Variants in NOP9 observed in about 807,000 individuals in gnomAD.
NOP9 encodes NOP9 nucleolar protein, also known as nucleolar protein 9.
Under a neutral mutation model 63.0 loss-of-function variants are expected in NOP9, and 50 were observed. The ratio of observed to expected loss-of-function variants is 0.79; its 90% CI spans 0.63 to 1.00. The LOEUF is 1.00. Among genes scored for constraint, NOP9 ranks in the 50% least tolerant of loss-of-function variants. NOP9 has a pLI of 0.00. For missense variants in NOP9, 758 were observed against 803.0 expected (o/e 0.94, Z 0.68); for synonymous variants, 343 against 332.8 (o/e 1.03, Z -0.33).
In NOP9 at chr14:24,305,928, T is replaced by C. The variant is rs1301377926; in HGVS notation, c.*833T>C. ...TCCAACTGTAGGGGATGGGGCAGTATGACATGTTGATTTCTGACCTGAGTA... is the reference window on the plus strand; with the variant it reads ...TCCAACTGTAGGGGATGGGGCAGTACGACATGTTGATTTCTGACCTGAGTA... On this transcript the variant is annotated 3_prime_UTR_variant, in exon 10 of 10. Transcript: ENST00000267425. 8 of 1,609,058 alleles carry C rather than the reference T, an allele frequency of 5.0e-6. No homozygotes were observed. Among genetic ancestry groups the C allele is most frequent in the Non-Finnish European group, 6.8e-6 (8 of 1,177,018 alleles).
chr14:24,286,070 C>T, the NOP9 span, among the ~76,000 whole-genome samples: 2 of 152,204 alleles, frequency 1.3e-5, no homozygotes, highest in Non-Finnish European at 2.9e-5. Flanking sequence ...CTTCAGGGAC[C>T]AGCCAAGAAC....
At chr14:24,298,000 G>A (rs747288756), upstream of NOP9, among the ~76,000 whole-genome samples, 6 of 152,000 alleles carry the variant, frequency 3.9e-5, no homozygotes, top group Non-Finnish European at 7.4e-5. Context: ...ACATTGAAGT[G>A]ACTGCTTTCT....
chr14:24,289,142 A>G, the NOP9 span, among the ~76,000 whole-genome samples: 2 of 151,932 alleles, frequency 1.3e-5, no homozygotes, highest in Admixed American at 1.3e-4. Flanking sequence ...ACGCCCAGCT[A>G]ATTTTTTTTC....
At chr14:24,276,129 C>T in the NOP9 span, among the ~76,000 whole-genome samples, 1 of 152,016 alleles carries the variant, frequency 6.6e-6, no homozygotes, top group African/African-American at 2.4e-5. Flanking sequence ...GTAGTCCCAG[C>T]ACTTTGGGAG....
chr14:24,301,602 C>T lies in NOP9; in HGVS notation c.698-10C>T, dbSNP rs754906397. 2.2e-5 allele frequency: 35 copies of T among 1,614,124 alleles called. No individual in the cohort carries two copies. In the East Asian group the frequency reaches 4.2e-4, roughly 20 times the overall value. ...TCTCCCCACTGCACATGTTCTTAAT[C>T]TTCCTTCAGAAGCACAGAAGACCCC... On this transcript the variant is annotated splice_polypyrimidine_tract_variant and intron_variant, in intron 2 of 9. Coordinates refer to ENST00000267425, the MANE Select transcript of NOP9 (RefSeq NM_174913.3).
upstream of NOP9, chr14:24,299,066 C>T (rs1407013000): frequency 2.5e-6 from 4 of 1,613,868 alleles, no homozygotes; most frequent in Admixed American, 3.3e-5. Context: ...CCTGGAGGCA[C>T]CAGTCACCAC....
chr14:24,304,112 G>A lies in NOP9; in HGVS notation c.1482G>A (p.Leu494=). Residue 494 remains leucine, a synonymous_variant, in exon 8 of 10, where the codon CTG becomes CTA. Transcript: ENST00000267425. The part of the protein sequence containing the change: ...VLGSLLLQHL[L]HFSTPGLVLR... ...GGTCTCTACTGCTCCAGCATCTGCT[G>A]CACTTCTCCACTCCTGGTCTTGTAC... 2 of 1,614,258 alleles carry A rather than the reference G, an allele frequency of 1.2e-6. No homozygotes were observed. Among genetic ancestry groups the A allele is most frequent in the Non-Finnish European group, 1.7e-6 (2 of 1,180,040 alleles).
At position 24,307,847 on chromosome 14, in the gene NOP9, G is replaced by C; in HGVS notation, c.*2752G>C. On this transcript the variant is annotated 3_prime_UTR_variant, in exon 10 of 10. Coordinates refer to ENST00000267425, the MANE Select transcript of NOP9 (RefSeq NM_174913.3). ...GTAAGTCACTGGGGTTCAGAGCTGA[G>C]AGGTACTCCATGGTGGACCGGAGAG... 1.3e-6 allele frequency: 2 copies of C among 1,594,802 alleles called. No homozygotes were observed. The highest frequency in any genetic ancestry group is 2.3e-5 in the South Asian group (2 of 87,870).
rs769409057 is a variant in NOP9, at chr14:24,305,104, A to G, written c.*9A>G. On this transcript the variant is annotated 3_prime_UTR_variant, in exon 10 of 10. Coordinates refer to ENST00000267425, the MANE Select transcript of NOP9 (RefSeq NM_174913.3). ...CCATACTTGAAGACTGAGGCTTTGG[A>G]TCTGGGACTGGGTGTTGATGGGGGA... 19 of 1,480,334 alleles carry G rather than the reference A, an allele frequency of 1.3e-5. No homozygotes were observed. Among genetic ancestry groups the G allele is most frequent in the Admixed American group, 2.4e-5 (1 of 41,026 alleles). 91.7% of individuals were successfully genotyped at this position (1,480,334 alleles called of 1,614,324 possible).
At chr14:24,292,699 T>C in the NOP9 span, 1 of 1,614,214 alleles carries the variant, frequency 6.2e-7, no homozygotes, top group Non-Finnish European at 8.5e-7. Context: ...TACTGCAGGC[T>C]TCCTGGGGAG....
chr14:24,272,368 A>G, the NOP9 span, among the ~76,000 whole-genome samples: 1 of 152,252 alleles, frequency 6.6e-6, no homozygotes, highest in Non-Finnish European at 1.5e-5. Flanking sequence ...CAAAAGGTAT[A>G]AATTATCTTT....
chr14:24,305,910 G>C lies in NOP9; in HGVS notation c.*815G>C. On this transcript the variant is annotated 3_prime_UTR_variant, in exon 10 of 10. Coordinates refer to ENST00000267425, the MANE Select transcript of NOP9 (RefSeq NM_174913.3). ...GACGAATTATGGGGACTATCCAACT[G>C]TAGGGGATGGGGCAGTATGACATGT... 1.9e-6 allele frequency: 3 copies of C among 1,598,736 alleles called. No individual in the cohort carries two copies. Among genetic ancestry groups the C allele is most frequent in the Non-Finnish European group, 2.6e-6 (3 of 1,170,488 alleles).
At chr14:24,272,478 C>T in the NOP9 span, among the ~76,000 whole-genome samples, 2 of 152,346 alleles carry the variant, frequency 1.3e-5, no homozygotes, top group African/African-American at 4.8e-5. Context: ...TCTTTCTCTT[C>T]CCACTGCCAC....
At chr14:24,287,128 G>T in the NOP9 span, among the ~76,000 whole-genome samples, 1 of 151,938 alleles carries the variant, frequency 6.6e-6, no homozygotes, top group Non-Finnish European at 1.5e-5. Context: ...GACCTCAAGT[G>T]ACCCACCCGC....
intron 8 of NOP9, 72 bp from the exon 9 acceptor site, chr14:24,304,421 C>T: frequency 7.1e-7 from 1 of 1,415,190 alleles, no homozygotes. Context: ...TCAGAAAATT[C>T]ACTCTCCACA....
chr14:24,288,392 C>G, the NOP9 span, among the ~76,000 whole-genome samples: 2 of 152,036 alleles, frequency 1.3e-5, no homozygotes, highest in Non-Finnish European at 2.9e-5. Flanking sequence ...CACTGTCACC[C>G]AGGCTGGAGT....
rs779701180 is a variant in NOP9, at chr14:24,300,120, C to G, written c.166C>G (p.His56Asp). ...GGAGCCGGCTCCAGATTCGCACCCG[C>G]ACCTGAGCCCGGAAGCTCTGGGATA... ...RSEPAPDSHP[H>D]LSPEALGYFR... is the part of the protein sequence containing the mutation. Residue 56 changes from histidine to aspartate, a missense_variant, in exon 1 of 10, where the codon CAC (histidine) becomes GAC (aspartate). Coordinates refer to ENST00000267425, the MANE Select transcript of NOP9 (RefSeq NM_174913.3). 5.0e-6 allele frequency: 8 copies of G among 1,613,542 alleles called. No homozygotes were observed. In the African/African-American group the frequency reaches 9.3e-5, roughly 19 times the overall value.
chr14:24,309,017 T>C lies in NOP9; in HGVS notation c.*3922T>C, dbSNP rs950916110. The C allele has an allele frequency of 8.5e-5, 13 of 152,230 alleles. No individual in the cohort carries two copies. The highest frequency in any genetic ancestry group is 3.1e-4 in the African/African-American group (13 of 41,456). 9.4% of individuals were successfully genotyped at this position (152,230 alleles called of 1,614,324 possible). On this transcript the variant is annotated 3_prime_UTR_variant, in exon 10 of 10. Coordinates refer to ENST00000267425, the MANE Select transcript of NOP9 (RefSeq NM_174913.3). ...TCGTAAACTCCATACCCTGACCCCC[T>C]TGTTTTGGATATACCCAGGTAGAAC...
Position 24,308,040 on chromosome 14 carries a change from G to A in NOP9, c.*2945G>A, listed in dbSNP as rs954667933. The A allele has an allele frequency of 6.3e-6, 4 of 632,074 alleles. No homozygotes were observed. Among genetic ancestry groups the A allele is most frequent in the Non-Finnish European group, 1.1e-5 (4 of 347,908 alleles). The allele number at this position is 632,074 out of a possible 1,614,324, so 39.2% of individuals were successfully genotyped here. A position where few individuals can be genotyped will look rare whatever the true frequency, so the allele number is the denominator to read the frequency against. ...TAAGAAGGGCAAAGTCCAAGGGGAG[G>A]GATGAGGGAGGGGCCAGATGGGGTC... On this transcript the variant is annotated 3_prime_UTR_variant, in exon 10 of 10. Transcript: ENST00000267425.
Sources: allele counts gnomAD v4.1 joint callset (sites outside exome capture counted in the v4.1 genomes callset), GRCh38; gene constraint gnomAD v4.1.1; transcripts MANE v1.5; gene names NCBI Gene and HGNC (gene_info 2026-07-23, HGNC 2026-07-21).